Variants in PLXNA2 observed in about 807,000 individuals in gnomAD.
PLXNA2 encodes the protein plexin-A2.
PLXNA2 carries 91 observed loss-of-function variants against 193.5 expected under a neutral mutation model. The ratio of observed to expected loss-of-function variants is 0.47; its 90% CI spans 0.40 to 0.56. The LOEUF (loss-of-function observed/expected upper bound fraction) is 0.56, where lower values mean the gene tolerates loss of function less well. Among genes scored for constraint, PLXNA2 ranks in the 20% least tolerant of loss-of-function variants. The pLI is 0.00. For synonymous variants in PLXNA2, 997 were observed against 1,027.3 expected (o/e 0.97, Z 0.56); for missense variants, 1,995 against 2,503.2 (o/e 0.80, Z 4.33).
rs1448841517 is a variant in PLXNA2, at chr1:208,236,093, A to G, written c.-81+7550T>C. On this transcript the variant is annotated intron_variant, in intron 1 of 31. Transcript: ENST00000367033. The surrounding 1 kb of genome is among the most constrained non-coding windows in gnomAD (Gnocchi z 4.4). Reference sequence around the variant, plus strand: ...TCCTGGAAAACACCACTGCCCTAAAACGTGGAGTGGAGACCTGGAACGAGA... The same window carrying G: ...TCCTGGAAAACACCACTGCCCTAAAGCGTGGAGTGGAGACCTGGAACGAGA... Among the ~76,000 whole-genome samples, 1 of 152,124 alleles carries G rather than the reference A, an allele frequency of 6.6e-6. No individual in the cohort carries two copies. Among genetic ancestry groups the G allele is most frequent in the Non-Finnish European group, 1.5e-5 (1 of 68,024 alleles).
intron 3 of PLXNA2, among the ~76,000 whole-genome samples, chr1:208,170,835 A>C (rs1669472716): frequency 6.6e-6 from 1 of 152,220 alleles, no homozygotes; most frequent in Non-Finnish European, 1.5e-5. Flanking sequence ...ACAGAAATAA[A>C]ATAAATAAAA....
At chr1:208,108,127 C>T (rs1471362954) in intron 4 of PLXNA2, among the ~76,000 whole-genome samples, 3 of 152,090 alleles carry the variant, frequency 2.0e-5, no homozygotes, top group African/African-American at 7.2e-5. Flanking sequence ...GCAGGGAGTG[C>T]AGAGTGTGGG....
At chr1:208,080,072 C>T (rs574408549) in intron 11 of PLXNA2, among the ~76,000 whole-genome samples, 1 of 152,228 alleles carries the variant, frequency 6.6e-6, no homozygotes, top group Non-Finnish European at 1.5e-5. Context: ...CTCCAACTTG[C>T]TTTGCTGCTT....
At position 208,052,441 on chromosome 1, in the gene PLXNA2, T is replaced by C. The variant is rs751148055; in HGVS notation, c.2879A>G (p.Asn960Ser). 16 of 1,614,018 alleles carry C rather than the reference T, an allele frequency of 9.9e-6. No homozygotes were observed. Among genetic ancestry groups the C allele is most frequent in the East Asian group, 2.2e-5 (1 of 44,860 alleles). ...TCCTGACTCGGGACCTCGGATTGGGTTGAGTGACAGCACAGAAGGGTTCTT... is the reference window on the plus strand; with the variant it reads ...TCCTGACTCGGGACCTCGGATTGGGCTGAGTGACAGCACAGAAGGGTTCTT... ...TFVNPSVLSL[N>S]PIRGPESGGT... is the part of the protein sequence containing the mutation. Residue 960 changes from asparagine to serine, a missense_variant, in exon 15 of 32, where the codon AAC becomes AGC. This residue lies in a region of PLXNA2 where 1,291 missense variants were observed against 1,673.6 expected (regional missense o/e 0.77). Transcript: ENST00000367033.
intron 3 of PLXNA2, among the ~76,000 whole-genome samples, chr1:208,152,827 G>A (rs1558218332): frequency 1.5e-5 from 2 of 134,668 alleles, no homozygotes; most frequent in Admixed American, 7.2e-5. Context: ...TGCATCCCCA[G>A]CTTTTTCGTC....
In PLXNA2 at chr1:208,051,420, C is replaced by T; in HGVS notation, c.2997G>A (p.Arg999=). ...LGNQTCEFYG[R]SMSEIVCVSP... is the part of the protein sequence containing the mutation. Reference sequence around the variant, plus strand: ...AGACACACACGATCTCACTCATTGACCTCCTGACAGGGAGACAGCAGGAGG... The same window carrying T: ...AGACACACACGATCTCACTCATTGATCTCCTGACAGGGAGACAGCAGGAGG... Residue 999 remains arginine, a synonymous_variant, in exon 16 of 32, where the codon AGG becomes AGA. Coordinates refer to ENST00000367033, the MANE Select transcript of PLXNA2 (RefSeq NM_025179.4). 6.2e-7 allele frequency: 1 copy of T among 1,608,798 alleles called. No individual in the cohort carries two copies. Among genetic ancestry groups the T allele is most frequent in the African/African-American group, 1.3e-5 (1 of 74,736 alleles).
intron 9 of PLXNA2, among the ~76,000 whole-genome samples, chr1:208,087,874 A>G (rs1225531166): frequency 6.6e-6 from 1 of 152,130 alleles, no homozygotes; most frequent in African/African-American, 2.4e-5. Context: ...ATCAGATACA[A>G]TAAGGCCACT....
Position 208,217,171 on chromosome 1 carries a change from C to A in PLXNA2, c.752G>T (p.Gly251Val), listed in dbSNP as rs143119210. ...IFYIYGFASG[G>V]FVYFLTVQPE... ...CTGGACAGTGAGAAAGTAGACAAAG[C>A]CCCCACTAGCAAAGCCGTAGATGTA... The change falls in exon 2 of 32, where the codon GGC becomes GTC. Residue 251 changes from glycine to valine, a missense_variant. Gly to Val is a moderately radical substitution (Grantham distance 109). Coordinates refer to ENST00000367033, the MANE Select transcript of PLXNA2 (RefSeq NM_025179.4). The surrounding 1 kb of genome is among the most constrained non-coding windows in gnomAD (Gnocchi z 4.7). 9.6e-5 allele frequency: 155 copies of A among 1,614,116 alleles called. No homozygotes were observed. The African/African-American group carries it at 1.9e-3, about 20-fold the overall frequency.
chr1:208,103,321 T>C, intron 4 of PLXNA2, 74 bp from the exon 5 acceptor site: 2 of 1,171,548 alleles, frequency 1.7e-6, no homozygotes, highest in South Asian at 1.4e-5. Flanking sequence ...CACAGTCCTG[T>C]GTGTACTCAC....
intron 3 of PLXNA2, among the ~76,000 whole-genome samples, chr1:208,180,562 C>T (rs532704285): frequency 9.9e-5 from 15 of 152,234 alleles, no homozygotes; most frequent in Admixed American, 4.6e-4. Flanking sequence ...TATCAGGCAC[C>T]GCGTTACACC....
In PLXNA2 at chr1:208,029,170, A is replaced by G. The variant is rs1664427126; in HGVS notation, c.5226-128T>C. The G allele has an allele frequency of 1.8e-5, 26 of 1,475,610 alleles. No individual in the cohort carries two copies. The South Asian group carries it at 3.4e-4, about 20-fold the overall frequency. 91.4% of individuals were successfully genotyped at this position (1,475,610 alleles called of 1,614,324 possible). ...GGGGCAAAGGAGTAAAATGGAAGAA[A>G]ATGGGTCCAGCCAGGGTTAATTTAG... is the stretch of plus-strand genomic sequence containing the variant. On this transcript the variant is annotated intron_variant, in intron 29 of 31. Transcript: ENST00000367033.
intron 12 of PLXNA2, among the ~76,000 whole-genome samples, chr1:208,072,269 G>T (rs571009477): frequency 6.6e-5 from 10 of 152,302 alleles, no homozygotes; most frequent in African/African-American, 2.2e-4. Flanking sequence ...AAAGCTACAT[G>T]GTGGTCATTG....
At chr1:208,152,941 C>T (rs1022751909) in intron 3 of PLXNA2, among the ~76,000 whole-genome samples, 3 of 151,954 alleles carry the variant, frequency 2.0e-5, no homozygotes, top group African/African-American at 7.3e-5. Context: ...CCAATCTTTC[C>T]TTGGAACTCC....
chr1:208,131,704 A>T lies in PLXNA2; in HGVS notation c.1506+10625T>A, dbSNP rs1035196164. ...CCAGAGAAGCTGAATCGGGGCTTCAATGCCTCACATGTGTTCTGCAGCTGC... is the reference window on the plus strand; with the variant it reads ...CCAGAGAAGCTGAATCGGGGCTTCATTGCCTCACATGTGTTCTGCAGCTGC... On this transcript the variant is annotated intron_variant, in intron 4 of 31. Transcript: ENST00000367033. Among the ~76,000 whole-genome samples the T allele has an allele frequency of 5.3e-5, 8 of 152,342 alleles. No individual in the cohort carries two copies. The South Asian group carries it at 1.0e-3, about 20-fold the overall frequency.
chr1:208,131,903 C>T (rs1188827171), intron 4 of PLXNA2, among the ~76,000 whole-genome samples: 5 of 152,148 alleles, frequency 3.3e-5, no homozygotes, highest in African/African-American at 1.2e-4. Context: ...TCCTCACTCC[C>T]GGCTATGCCT....
intron 8 of PLXNA2, among the ~76,000 whole-genome samples, chr1:208,094,544 G>A (rs1666817481): frequency 6.6e-6 from 1 of 152,092 alleles, no homozygotes; most frequent in Non-Finnish European, 1.5e-5. Flanking sequence ...AGATAAGATT[G>A]CTCTCACAAA....
At position 208,054,516 on chromosome 1, in the gene PLXNA2, C is replaced by T. The variant is rs1486736038; in HGVS notation, c.2761G>A (p.Ala921Thr). ...AEQIVCEMGHALVGTTSGPVR... is the reference protein window; with the variant it reads ...AEQIVCEMGHTLVGTTSGPVR... ...GGCCCGGAGGTGGTTCCCACGAGGG[C>T]ATGGCCCATCTCACAGACAATCCTG... Residue 921 changes from alanine to threonine, a missense_variant, in exon 14 of 32, where the codon GCC becomes ACC. Transcript: ENST00000367033. 2 of 1,614,090 alleles carry T rather than the reference C, an allele frequency of 1.2e-6. No homozygotes were observed. The highest frequency in any genetic ancestry group is 1.7e-5 in the Admixed American group (1 of 60,030).
chr1:208,210,004 T>TTTTTTTTTTTTTTTTTTTTTC (rs1670881011), intron 3 of PLXNA2: 1 of 167,772 alleles, frequency 6.0e-6, no homozygotes, highest in Non-Finnish European at 1.2e-5. Context: ...TTTTTTTTTT[T>TTTTTTTTTTTTTTTTTTTTTC]GCTTTTGCAG....
At chr1:208,240,487 G>A (rs926868004) in intron 1 of PLXNA2, among the ~76,000 whole-genome samples, 5 of 152,096 alleles carry the variant, frequency 3.3e-5, no homozygotes, top group African/African-American at 1.2e-4. Context: ...GTAACGAAGT[G>A]AAAAAACTGT....
Sources: gnomAD v4.1 joint callset for allele counts (sites outside exome capture counted in the v4.1 genomes callset) on GRCh38, gnomAD v4.1.1 for gene constraint, gnomAD v4.1.1 regional missense constraint, Gnocchi (gnomAD v3.1) non-coding constraint, MANE v1.5 for transcripts, NCBI Gene and HGNC (gene_info 2026-07-23, HGNC 2026-07-21) for gene names.